The following ARB2A variants were observed in gnomAD, a reference collection of about 807,000 sequenced individuals.
The protein encoded by ARB2A is cotranscriptional regulator ARB2A.
At chr5:93,832,150 C>T in the ARB2A span, among the ~76,000 whole-genome samples, 3 of 152,210 alleles carry the variant, frequency 2.0e-5, no homozygotes, top group East Asian at 5.8e-4. Flanking sequence ...TTGCAGCAGT[C>T]CTTGTGGCAA....
the ARB2A span, among the ~76,000 whole-genome samples, chr5:94,013,206 T>C: frequency 7.0e-6 from 1 of 142,496 alleles, no homozygotes; most frequent in Non-Finnish European, 1.5e-5. Context: ...TGAGACAGAG[T>C]CTTGCTCTGT....
chr5:94,009,427 C>T, the ARB2A span, among the ~76,000 whole-genome samples: 4 of 152,020 alleles, frequency 2.6e-5, no homozygotes, highest in African/African-American at 9.7e-5. Context: ...CATAAACAAA[C>T]ACTGAGAACT....
chr5:94,014,677 A>G, the ARB2A span, among the ~76,000 whole-genome samples: 1 of 152,252 alleles, frequency 6.6e-6, no homozygotes, highest in East Asian at 1.9e-4. Context: ...AATTTATCAC[A>G]GAAATTTAAT....
At chr5:93,850,803 G>GT in the ARB2A span, among the ~76,000 whole-genome samples, 6 of 152,040 alleles carry the variant, frequency 3.9e-5, no homozygotes, top group Non-Finnish European at 5.9e-5. Context: ...TTTTCATACT[G>GT]TAACTAACTC....
At chr5:93,997,496 C>T in the ARB2A span, among the ~76,000 whole-genome samples, 3 of 152,044 alleles carry the variant, frequency 2.0e-5, no homozygotes, top group South Asian at 4.1e-4. Flanking sequence ...ACGATCTTTG[C>T]GAATAATGTA....
chr5:93,784,420 T>C, the ARB2A span: 6 of 1,613,478 alleles, frequency 3.7e-6, no homozygotes, highest in East Asian at 1.3e-4. Context: ...GCCAGCTTCT[T>C]GATGCCACAC....
At chr5:94,055,963 C>A in the ARB2A span, 1 of 887,498 alleles carries the variant, frequency 1.1e-6, no homozygotes, top group Non-Finnish European at 1.3e-6. Context: ...CTTTCATATA[C>A]ATTACTTCAT....
At chr5:93,683,513 C>T in the ARB2A span, 1 of 1,561,684 alleles carries the variant, frequency 6.4e-7, no homozygotes, top group Admixed American at 1.7e-5. Flanking sequence ...AATTGGACTG[C>T]CTTCGTAATT....
chr5:93,918,430 C>CTTTTTT, the ARB2A span, among the ~76,000 whole-genome samples: 10 of 107,344 alleles, frequency 9.3e-5, no homozygotes, highest in Admixed American at 2.1e-4. Flanking sequence ...TTCCAAATTT[C>CTTTTTT]TTTTTTTTTT....
chr5:93,645,144 A>C, the ARB2A span, among the ~76,000 whole-genome samples: 2 of 152,258 alleles, frequency 1.3e-5, no homozygotes, highest in African/African-American at 4.8e-5. Context: ...CTTGTAGACT[A>C]ACACAGAAGG....
chr5:93,787,417 CT>C, the ARB2A span, among the ~76,000 whole-genome samples: 27 of 152,188 alleles, frequency 1.8e-4, no homozygotes, highest in East Asian at 3.9e-3. Flanking sequence ...TAAAATATTG[CT>C]TTTGTCTGTG....
At chr5:93,960,081 G>GC in the ARB2A span, among the ~76,000 whole-genome samples, 448 of 39,024 alleles carry the variant, frequency 0.011, 12 homozygotes, top group African/African-American at 0.024. Context: ...AACTCTAGAT[G>GC]CCCCCCCCCC....
the ARB2A span, among the ~76,000 whole-genome samples, chr5:93,918,753 C>G: frequency 6.6e-6 from 1 of 152,064 alleles, no homozygotes; most frequent in South Asian, 2.1e-4. Flanking sequence ...CTCAGAGTCC[C>G]GTATTGCTTC....
the ARB2A span, among the ~76,000 whole-genome samples, chr5:93,822,364 G>A: frequency 6.6e-6 from 1 of 152,160 alleles, no homozygotes; most frequent in Non-Finnish European, 1.5e-5. Flanking sequence ...CTGGTCATCT[G>A]TTAACTCTGG....
At chr5:93,920,209 T>C in the ARB2A span, among the ~76,000 whole-genome samples, 2 of 152,114 alleles carry the variant, frequency 1.3e-5, no homozygotes, top group Non-Finnish European at 2.9e-5. Flanking sequence ...GTTAGAGTAA[T>C]AATAAAGACT....
At chr5:93,897,549 T>C in the ARB2A span, among the ~76,000 whole-genome samples, 2 of 151,974 alleles carry the variant, frequency 1.3e-5, no homozygotes. Context: ...AGTACTTTAA[T>C]TGTACACAGT....
chr5:94,081,629 G>A, the ARB2A span, among the ~76,000 whole-genome samples: 5 of 152,114 alleles, frequency 3.3e-5, no homozygotes, highest in Non-Finnish European at 5.9e-5. Context: ...CCATTTATAT[G>A]AAATGTCCAG....
At chr5:94,043,476 T>C in the ARB2A span, among the ~76,000 whole-genome samples, 2 of 152,218 alleles carry the variant, frequency 1.3e-5, no homozygotes, top group Non-Finnish European at 2.9e-5. Flanking sequence ...ATAAGTGCAG[T>C]AAGAATCTGT....
At chr5:93,863,868 T>C in the ARB2A span, 1 of 152,132 alleles carries the variant, frequency 6.6e-6, no homozygotes, top group African/African-American at 2.4e-5. Context: ...TTAAAATTTT[T>C]TGTTTTAGTT....
Sources: allele counts gnomAD v4.1 joint callset (sites outside exome capture counted in the v4.1 genomes callset), GRCh38; gene constraint gnomAD v4.1.1; transcripts MANE v1.5; gene names NCBI Gene and HGNC (gene_info 2026-07-23, HGNC 2026-07-21).